CNTN4: variants seen among roughly 807,000 people sequenced by gnomAD.
The protein encoded by CNTN4 is contactin-4.
A neutral mutation model predicts 122.5 loss-of-function variants in CNTN4; 77 were observed. The observed-to-expected ratio is 0.63, with a 90% CI of 0.52 to 0.76. The LOEUF (loss-of-function observed/expected upper bound fraction) is 0.76, where lower values mean the gene tolerates loss of function less well. Among genes scored for constraint, CNTN4 ranks in the 30% least tolerant of loss-of-function variants. CNTN4 has a pLI of 0.00. For synonymous variants in CNTN4, 512 were observed against 447.0 expected (o/e 1.15, Z -1.83); for missense variants, 1,256 against 1,259.1 (o/e 1.00, Z 0.04).
intron 3 of CNTN4, among the ~76,000 whole-genome samples, chr3:2,430,557 G>A (rs2048029076): frequency 6.8e-6 from 1 of 146,236 alleles, no homozygotes; most frequent in Admixed American, 7.1e-5. Context: ...TAATTAGAAG[G>A]TGCCATTTTT....
At chr3:2,384,595 C>T (rs534980876) in intron 3 of CNTN4, among the ~76,000 whole-genome samples, 1 of 151,998 alleles carries the variant, frequency 6.6e-6, no homozygotes, top group East Asian at 1.9e-4. Context: ...TTGCAAATGC[C>T]CAGCTAAATC....
chr3:2,101,213 T>A (rs952126776), intron 2 of CNTN4, among the ~76,000 whole-genome samples: 6 of 152,196 alleles, frequency 3.9e-5, no homozygotes, highest in Non-Finnish European at 5.9e-5. Context: ...CAAAAGTAGG[T>A]CTTCTGATTT....
At chr3:2,946,791 C>G (rs2094684071) in intron 13 of CNTN4, among the ~76,000 whole-genome samples, 1 of 151,074 alleles carries the variant, frequency 6.6e-6, no homozygotes, top group Admixed American at 6.6e-5. Flanking sequence ...GCAATAATCC[C>G]AGACTTCTGG....
chr3:2,713,476 T>G (rs2149351232), intron 4 of CNTN4, among the ~76,000 whole-genome samples: 1 of 152,326 alleles, frequency 6.6e-6, no homozygotes, highest in Middle Eastern at 3.4e-3. Context: ...ACGGGGGAAC[T>G]TAGCACGGCC....
intron 6 of CNTN4, among the ~76,000 whole-genome samples, chr3:2,791,901 G>T (rs1162603930): frequency 6.6e-6 from 1 of 151,980 alleles, no homozygotes; most frequent in African/African-American, 2.4e-5. Flanking sequence ...ATCTCCCTCT[G>T]CCTCACTCTT....
At chr3:2,142,783 A>G (rs2035062832) in intron 2 of CNTN4, among the ~76,000 whole-genome samples, 1 of 152,220 alleles carries the variant, frequency 6.6e-6, no homozygotes, top group African/African-American at 2.4e-5. Context: ...AGAAGCAGAG[A>G]AGGAGAAGGA....
chr3:2,489,632 A>G (rs183781307), intron 3 of CNTN4, among the ~76,000 whole-genome samples: 43 of 152,274 alleles, frequency 2.8e-4, no homozygotes, highest in South Asian at 8.3e-4. Flanking sequence ...CCCACTCCAA[A>G]ATAATGCTAG....
At chr3:2,871,407 G>A (rs2093782773) in intron 8 of CNTN4, among the ~76,000 whole-genome samples, 1 of 151,940 alleles carries the variant, frequency 6.6e-6, no homozygotes, top group African/African-American at 2.4e-5. Context: ...ATAATGACAG[G>A]GAAAAGTGGA....
In CNTN4 at chr3:2,830,287, T is replaced by G. The variant is rs1033138302; in HGVS notation, c.454+10706T>G. Among the ~76,000 whole-genome samples the G allele has an allele frequency of 7.2e-5, 11 of 152,318 alleles. 3 individuals are homozygous for G. ...AGTTGAGTACATCTCTATTTTCTTT[T>G]TAAACATCCAAAAAAAATTAAAAAG... On this transcript the variant is annotated intron_variant, in intron 7 of 24. Transcript: ENST00000418658.
At chr3:2,981,337 G>A (rs747653268) in intron 13 of CNTN4, among the ~76,000 whole-genome samples, 12 of 151,808 alleles carry the variant, frequency 7.9e-5, no homozygotes, top group South Asian at 2.1e-4. Context: ...CCAGCTACTC[G>A]GGAGGCTGAG....
intron 4 of CNTN4, among the ~76,000 whole-genome samples, chr3:2,587,510 C>G (rs1038998688): frequency 1.3e-5 from 2 of 152,150 alleles, no homozygotes; most frequent in Non-Finnish European, 2.9e-5. Context: ...TGGATACCGT[C>G]TTTGGGAATG....
intron 2 of CNTN4, among the ~76,000 whole-genome samples, chr3:2,193,606 C>T (rs2037693678): frequency 6.6e-6 from 1 of 152,108 alleles, no homozygotes; most frequent in Non-Finnish European, 1.5e-5. Flanking sequence ...TGAAACACAG[C>T]CAGCAGATTA....
intron 3 of CNTN4, among the ~76,000 whole-genome samples, chr3:2,548,842 C>A (rs2078359009): frequency 1.3e-5 from 2 of 152,032 alleles, no homozygotes; most frequent in Non-Finnish European, 2.9e-5. Flanking sequence ...TGCGTCGTCT[C>A]TTATTTCTTT....
At chr3:3,042,462 T>C (rs1165857038) in intron 21 of CNTN4, 40 bp downstream of exon 21, 1 of 1,307,082 alleles carries the variant, frequency 7.7e-7, no homozygotes, top group Non-Finnish European at 1.1e-6. Flanking sequence ...AAAGAGAGTC[T>C]ATGCCCCTTG....
chr3:2,348,161 T>C (rs112518682), intron 3 of CNTN4, among the ~76,000 whole-genome samples: 4 of 152,326 alleles, frequency 2.6e-5, no homozygotes, highest in African/African-American at 9.6e-5. Context: ...ATTGAGTCTT[T>C]AGGATATAAA....
chr3:2,600,740 G>A (rs1303369674), intron 4 of CNTN4, among the ~76,000 whole-genome samples: 7 of 152,128 alleles, frequency 4.6e-5, no homozygotes, highest in Admixed American at 3.3e-4. Context: ...TGGGTCAAAC[G>A]GTATTTCTAG....
At chr3:2,670,444 T>G (rs2084437795) in intron 4 of CNTN4, among the ~76,000 whole-genome samples, 1 of 152,208 alleles carries the variant, frequency 6.6e-6, no homozygotes, top group Non-Finnish European at 1.5e-5. Context: ...TCCATTTGCT[T>G]GGTAGATCTT....
intron 2 of CNTN4, among the ~76,000 whole-genome samples, chr3:2,240,448 A>G (rs2039886646): frequency 6.6e-6 from 1 of 152,132 alleles, no homozygotes; most frequent in African/African-American, 2.4e-5. Context: ...CAGATATCAA[A>G]TGACCATTAC....
intron 2 of CNTN4, among the ~76,000 whole-genome samples, chr3:2,140,930 CTTCTT>C (rs1230474491): frequency 6.6e-6 from 1 of 152,172 alleles, no homozygotes; most frequent in Non-Finnish European, 1.5e-5. Flanking sequence ...AGAGTTCCAG[CTTCTT>C]TTCTTTAAAG....
Sources: gnomAD v4.1 joint callset for allele counts (sites outside exome capture counted in the v4.1 genomes callset) on GRCh38, gnomAD v4.1.1 for gene constraint, MANE v1.5 for transcripts, NCBI Gene and HGNC (gene_info 2026-07-23, HGNC 2026-07-21) for gene names.